UBE2N: variants seen among roughly 807,000 people sequenced by gnomAD.
The protein encoded by UBE2N is ubiquitin conjugating enzyme E2 N.
For missense variants in UBE2N, 60 were observed against 192.1 expected (o/e 0.31, Z 4.07); for synonymous variants, 70 against 69.2 (o/e 1.01, Z -0.06).
At chr12:93,440,440 AG>A (rs1182662600) in intron 1 of UBE2N, among the ~76,000 whole-genome samples, 1 of 152,252 alleles carries the variant, frequency 6.6e-6, no homozygotes, top group Admixed American at 6.5e-5. Context: ...CTCATTTCTA[AG>A]AATTTCTACC....
intron 1 of UBE2N, among the ~76,000 whole-genome samples, chr12:93,416,448 T>C (rs1475507676): frequency 6.8e-6 from 1 of 147,962 alleles, no homozygotes; most frequent in East Asian, 2.0e-4. Flanking sequence ...TTCACTTATC[T>C]ATCTTTTTTT....
At chr12:93,434,916 A>C (rs1167303967) in intron 1 of UBE2N, among the ~76,000 whole-genome samples, 3 of 151,938 alleles carry the variant, frequency 2.0e-5, no homozygotes, top group Non-Finnish European at 4.4e-5. Context: ...TTATTTATTT[A>C]TTTAAGAGAC....
At chr12:93,423,234 C>T (rs139646227) in intron 1 of UBE2N, among the ~76,000 whole-genome samples, 5 of 152,260 alleles carry the variant, frequency 3.3e-5, no homozygotes, top group African/African-American at 1.2e-4. Context: ...CTTTGGCCCT[C>T]CTGAAGAATG....
intron 1 of UBE2N, among the ~76,000 whole-genome samples, chr12:93,436,489 G>T (rs559730778): frequency 6.6e-6 from 1 of 152,302 alleles, no homozygotes; most frequent in African/African-American, 2.4e-5. Context: ...ATTTGGTTTT[G>T]ACCAAGGCCA....
At chr12:93,413,764 C>T (rs1033123085) in intron 1 of UBE2N, among the ~76,000 whole-genome samples, 9 of 152,160 alleles carry the variant, frequency 5.9e-5, no homozygotes, top group African/African-American at 2.2e-4. Flanking sequence ...TCCAAGCAAC[C>T]ATCAGCTCTG....
intron 3 of UBE2N, 126 bp downstream of exon 3, chr12:93,410,607 TA>T: frequency 1.4e-6 from 2 of 1,393,624 alleles, no homozygotes; most frequent in Non-Finnish European, 2.0e-6. Context: ...TTACATACTA[TA>T]AGCAGGATCT....
At chr12:93,426,493 G>A (rs1447467025) in intron 1 of UBE2N, among the ~76,000 whole-genome samples, 2 of 151,774 alleles carry the variant, frequency 1.3e-5, no homozygotes, top group Admixed American at 6.6e-5. Context: ...AAATCGGGTG[G>A]CTGGAACACA....
chr12:93,439,675 T>C (rs1879042791), intron 1 of UBE2N, among the ~76,000 whole-genome samples: 1 of 152,154 alleles, frequency 6.6e-6, no homozygotes, highest in South Asian at 2.1e-4. Flanking sequence ...TTTAAAGCAT[T>C]GTCACTGATT....
At position 93,408,178 on chromosome 12, in the gene UBE2N, C is replaced by T. The variant is rs1462283956; in HGVS notation, c.*1861G>A. ...TGTGGTTCATTTTTAAAGTGAGATT[C>T]AATTTCCTTAGCTATAGTCAAATGT... On this transcript the variant is annotated 3_prime_UTR_variant, in exon 4 of 4. Transcript: ENST00000318066. The T allele has an allele frequency of 6.6e-6, 1 of 152,136 alleles. No individual in the cohort carries two copies. Among genetic ancestry groups the T allele is most frequent in the Non-Finnish European group, 1.5e-5 (1 of 68,014 alleles). 9.4% of individuals were successfully genotyped at this position (152,136 alleles called of 1,614,324 possible).
chr12:93,414,307 G>A (rs1487939789), intron 1 of UBE2N, among the ~76,000 whole-genome samples: 1 of 151,926 alleles, frequency 6.6e-6, no homozygotes, highest in Admixed American at 6.6e-5. Flanking sequence ...AAATTAGCTA[G>A]GCATGGTGGC....
rs1401856338 is a variant in UBE2N, at chr12:93,405,746, GTTTTGCTTTTTATGTTATTTAAAGTA to G, written c.*4267_*4292del. 6.6e-6 allele frequency: 1 copy of G among 152,130 alleles called. No individual in the cohort carries two copies. The highest frequency in any genetic ancestry group is 1.5e-5 in the Non-Finnish European group (1 of 68,028). 9.4% of individuals were successfully genotyped at this position (152,130 alleles called of 1,614,324 possible). ...TCTCTCAAATTATTACATTCAGCAT[GTTTTGCTTTTTATGTTATTTAAAGTA>G]TAAACCCTCATATAATTCCCTAAGA... is the stretch of plus-strand genomic sequence containing the variant. On this transcript the variant is annotated 3_prime_UTR_variant, in exon 4 of 4. Transcript: ENST00000318066.
chr12:93,419,313 C>G (rs943895651), intron 1 of UBE2N, among the ~76,000 whole-genome samples: 21 of 152,030 alleles, frequency 1.4e-4, no homozygotes, highest in African/African-American at 4.8e-4. Flanking sequence ...TCACTTGAAC[C>G]TGGGAGACGG....
chr12:93,441,203 G>A (rs150603678), intron 1 of UBE2N: 1,671 of 152,584 alleles, frequency 0.011, 20 homozygotes, highest in Non-Finnish European at 0.014. Flanking sequence ...GAGAGAGATC[G>A]CGGAAGCAAG....
rs1205292404 is a variant in UBE2N, at chr12:93,411,159, G to A, written c.171C>T (p.Phe57=). 1 of 1,614,210 alleles carries A rather than the reference G, an allele frequency of 6.2e-7. No homozygotes were observed. Residue 57 remains phenylalanine (F), a synonymous_variant, in exon 2 of 4, where the codon TTC becomes TTT. Transcript: ENST00000318066. ...FEGGTFKLEL[F]LPEEYPMAAP... is the part of the protein sequence containing the mutation. ...CTGCCATTGGGTATTCTTCTGGAAG[G>A]AATAGTTCAAGTTTAAAAGTCCCTC...
At chr12:93,430,365 G>A (rs1031881504) in intron 1 of UBE2N, among the ~76,000 whole-genome samples, 1 of 152,116 alleles carries the variant, frequency 6.6e-6, no homozygotes, top group Non-Finnish European at 1.5e-5. Context: ...GCATTTCTCA[G>A]AAAGTAACTC....
intron 1 of UBE2N, among the ~76,000 whole-genome samples, chr12:93,413,228 T>C (rs998181498): frequency 1.3e-4 from 20 of 152,328 alleles, no homozygotes; most frequent in Non-Finnish European, 2.2e-4. Flanking sequence ...CAAAGCTTTA[T>C]CTAACTTCCT....
chr12:93,434,124 T>C (rs1011685367), intron 1 of UBE2N, among the ~76,000 whole-genome samples: 1 of 152,142 alleles, frequency 6.6e-6, no homozygotes, highest in Admixed American at 6.5e-5. Context: ...AACCCGTCTC[T>C]ACTAAAAATA....
At chr12:93,429,560 T>C (rs1197165075) in intron 1 of UBE2N, among the ~76,000 whole-genome samples, 1 of 141,562 alleles carries the variant, frequency 7.1e-6, no homozygotes, top group Admixed American at 7.2e-5. Flanking sequence ...TCCTTCTGCT[T>C]GTTAAAAAAA....
Position 93,406,768 on chromosome 12 carries a change from C to T in UBE2N, c.*3271G>A, listed in dbSNP as rs1877843370. On this transcript the variant is annotated 3_prime_UTR_variant, in exon 4 of 4. Coordinates refer to ENST00000318066, the MANE Select transcript of UBE2N (RefSeq NM_003348.4). ...TTGTGTAGATTGTATGCATATACAA[C>T]ATCATTTTATTCCAGAGACTTGAGC... 6.6e-6 allele frequency: 1 copy of T among 151,612 alleles called. No individual in the cohort carries two copies. Among genetic ancestry groups the T allele is most frequent in the Non-Finnish European group, 1.5e-5 (1 of 67,904 alleles). 9.4% of individuals were successfully genotyped at this position (151,612 alleles called of 1,614,324 possible).
Sources: allele counts gnomAD v4.1 joint callset (sites outside exome capture counted in the v4.1 genomes callset), GRCh38; gene constraint gnomAD v4.1.1; transcripts MANE v1.5; gene names NCBI Gene and HGNC (gene_info 2026-07-23, HGNC 2026-07-21).